RGS21: variants seen among roughly 807,000 people sequenced by gnomAD.
RGS21 encodes regulator of G-protein signalling 21.
RGS21 carries 19 observed loss-of-function variants against 18.7 expected under a neutral mutation model. The ratio of observed to expected loss-of-function variants is 1.01; its 90% CI spans 0.71 to 1.49. The LOEUF (loss-of-function observed/expected upper bound fraction) is 1.49. RGS21 is among the 40% of genes most tolerant of loss of function. The pLI is 0.00. For synonymous variants in RGS21, 56 were observed against 57.8 expected, an observed-to-expected ratio of 0.97 and a Z score of 0.14; for missense variants, 194 against 176.8, an observed-to-expected ratio of 1.10 and a Z score of -0.55.
At chr1:192,349,182 G>A (rs1180725866) in intron 3 of RGS21, among the ~76,000 whole-genome samples, 1 of 152,074 alleles carries the variant, frequency 6.6e-6, no homozygotes, top group Non-Finnish European at 1.5e-5. Context: ...ATCCAGAGTG[G>A]TGGAAGTCCA....
chr1:192,345,128 T>G (rs563529034), intron 2 of RGS21, among the ~76,000 whole-genome samples: 1 of 152,224 alleles, frequency 6.6e-6, no homozygotes, highest in East Asian at 1.9e-4. Context: ...ACACCTTCAT[T>G]CTATAAATAC....
At chr1:192,326,116 G>T (rs959231440) in intron 1 of RGS21, among the ~76,000 whole-genome samples, 1 of 152,054 alleles carries the variant, frequency 6.6e-6, no homozygotes, top group Non-Finnish European at 1.5e-5. Context: ...AATATGGAAT[G>T]ACTGTTGTCT....
chr1:192,326,138 C>T (rs1658565550), intron 1 of RGS21, among the ~76,000 whole-genome samples: 1 of 151,934 alleles, frequency 6.6e-6, no homozygotes, highest in East Asian at 1.9e-4. Flanking sequence ...TATGGACTAA[C>T]AAATCTAGGT....
At chr1:192,327,794 A>G (rs1658587844) in intron 1 of RGS21, among the ~76,000 whole-genome samples, 1 of 152,150 alleles carries the variant, frequency 6.6e-6, no homozygotes, top group Admixed American at 6.6e-5. Context: ...TCTTACAAGA[A>G]TTTGCCATCT....
intron 4 of RGS21, among the ~76,000 whole-genome samples, chr1:192,362,238 A>G (rs1401314452): frequency 6.6e-6 from 1 of 152,168 alleles, no homozygotes. Flanking sequence ...TAAAAGTTAT[A>G]TTTTGGTAAA....
In RGS21 at chr1:192,341,765, CTT is replaced by C. The variant is rs11285643; in HGVS notation, c.-60-1198_-60-1197del. Among the ~76,000 whole-genome samples the C allele has an allele frequency of 5.0e-3, 716 of 142,426 alleles. 1 individual carries two copies. The highest frequency in any genetic ancestry group is 8.4e-3 in the African/African-American group (330 of 39,262). 93.4% of individuals were successfully genotyped at this position (142,426 alleles called of 152,430 possible). On this transcript the variant is annotated intron_variant, in intron 1 of 4. Transcript: ENST00000417209. ...TATTTCTTAAAGACTTTGCATGGTT[CTT>C]TTTTTTTTTTTTTAACCAAGAGGGT... is the stretch of plus-strand genomic sequence containing the variant.
chr1:192,345,784 G>A (rs1658936466), intron 2 of RGS21, among the ~76,000 whole-genome samples: 2 of 151,866 alleles, frequency 1.3e-5, no homozygotes, highest in South Asian at 4.2e-4. Flanking sequence ...ATACAAACAG[G>A]AATATTTTTA....
Position 192,347,173 on chromosome 1 carries a change from G to A in RGS21, c.12-140G>A, listed in dbSNP as rs987742430. On this transcript the variant is annotated intron_variant, in intron 2 of 4. Transcript: ENST00000417209. ...TCACTATAGCTAACTACTGTAAATA[G>A]CATTGTATAATTTTTTGACATTTGG... 8.5e-6 allele frequency: 5 copies of A among 587,690 alleles called. No individual in the cohort carries two copies. The Middle Eastern group carries it at 1.3e-3, about 150-fold the overall frequency. 36.4% of individuals were successfully genotyped at this position (587,690 alleles called of 1,614,324 possible).
intron 4 of RGS21, among the ~76,000 whole-genome samples, chr1:192,359,041 G>T (rs1659147498): frequency 6.6e-6 from 1 of 152,092 alleles, no homozygotes; most frequent in Non-Finnish European, 1.5e-5. Flanking sequence ...AAATGGTTGT[G>T]ATGACATCTC....
intron 4 of RGS21, among the ~76,000 whole-genome samples, chr1:192,364,198 T>C (rs917206264): frequency 2.6e-5 from 4 of 152,078 alleles, no homozygotes; most frequent in Admixed American, 2.6e-4. Context: ...GTATAATAAA[T>C]GGACAACTGA....
chr1:192,348,765 T>TTATAA (rs56816825), intron 3 of RGS21, among the ~76,000 whole-genome samples: 48,553 of 151,506 alleles, frequency 0.32, 9,071 homozygotes, highest in African/African-American at 0.52. Context: ...GAGAAAATGT[T>TTATAA]TATAATATTA....
chr1:192,331,002 G>C (rs555360346), intron 1 of RGS21, among the ~76,000 whole-genome samples: 1 of 152,288 alleles, frequency 6.6e-6, no homozygotes, highest in Admixed American at 6.5e-5. Flanking sequence ...TTATGATGTA[G>C]TAGATTGTAT....
intron 4 of RGS21, among the ~76,000 whole-genome samples, chr1:192,358,019 G>T (rs915721636): frequency 6.6e-6 from 1 of 152,014 alleles, no homozygotes; most frequent in African/African-American, 2.4e-5. Context: ...AGCATGTTGG[G>T]ATTGGTGATG....
intron 2 of RGS21, among the ~76,000 whole-genome samples, 165 bp downstream of exon 2, chr1:192,343,212 C>T (rs1658897957): frequency 6.6e-6 from 1 of 151,944 alleles, no homozygotes; most frequent in Non-Finnish European, 1.5e-5. Context: ...TTTTTGAAAA[C>T]ATGTCAAGAA....
At chr1:192,341,572 T>G (rs189929156) in intron 1 of RGS21, among the ~76,000 whole-genome samples, 6 of 152,246 alleles carry the variant, frequency 3.9e-5, no homozygotes, top group Non-Finnish European at 8.8e-5. Flanking sequence ...TATTAGTTTT[T>G]TCTAAACAAT....
intron 3 of RGS21, among the ~76,000 whole-genome samples, chr1:192,350,800 C>T (rs1314676816): frequency 1.3e-5 from 2 of 152,136 alleles, no homozygotes; most frequent in East Asian, 1.9e-4. Context: ...GAGGCACTTA[C>T]CTTCTCACAT....
chr1:192,328,467 T>C (rs567324675), intron 1 of RGS21, among the ~76,000 whole-genome samples: 2 of 152,156 alleles, frequency 1.3e-5, no homozygotes, highest in Non-Finnish European at 2.9e-5. Flanking sequence ...AGTTAAATGT[T>C]TCCAAGCTTC....
At position 192,320,502 on chromosome 1, in the gene RGS21, G is replaced by GTATGTGTATGTGTATA. The variant is rs1557972475; in HGVS notation, c.-61+3398_-61+3399insATGTGTATGTGTATAT. ...CAGACCATGTAAAATGTAAAGGAAT[G>GTATGTGTATGTGTATA]TGTATGTGTATGTGTATGTGTATAT... is the stretch of plus-strand genomic sequence containing the variant. On this transcript the variant is annotated intron_variant, in intron 1 of 4. Coordinates refer to ENST00000417209, the MANE Select transcript of RGS21 (RefSeq NM_001039152.3). Among the ~76,000 whole-genome samples the GTATGTGTATGTGTATA allele has an allele frequency of 3.3e-3, 456 of 138,760 alleles. 2 individuals are homozygous for GTATGTGTATGTGTATA. The highest frequency in any genetic ancestry group is 0.012 in the African/African-American group (425 of 36,278). The allele number at this position is 138,760 out of a possible 152,430, so 91.0% of individuals were successfully genotyped here.
chr1:192,366,758 G>A lies in RGS21; in HGVS notation c.*634G>A, dbSNP rs1368589313. 1 of 151,954 alleles carries A rather than the reference G, an allele frequency of 6.6e-6. No individual in the cohort carries two copies. The highest frequency in any genetic ancestry group is 6.6e-5 in the Admixed American group (1 of 15,224). 9.4% of individuals were successfully genotyped at this position (151,954 alleles called of 1,614,324 possible). A position where few individuals can be genotyped will look rare whatever the true frequency, so the allele number is the denominator to read the frequency against. ...TGGCATCACATATAAAATGTGATGA[G>A]TTATGTATGAAAAGGCCTCAAGGGT... is the stretch of plus-strand genomic sequence containing the variant. On this transcript the variant is annotated 3_prime_UTR_variant, in exon 5 of 5. Coordinates refer to ENST00000417209, the MANE Select transcript of RGS21 (RefSeq NM_001039152.3).
Sources: allele counts gnomAD v4.1 joint callset (sites outside exome capture counted in the v4.1 genomes callset), GRCh38; gene constraint gnomAD v4.1.1; transcripts MANE v1.5; gene names NCBI Gene and HGNC (gene_info 2026-07-23, HGNC 2026-07-21).